The following AKT3 variants were observed in gnomAD, a reference collection of about 807,000 sequenced individuals.
The protein encoded by AKT3 is RAC-gamma serine/threonine-protein kinase.
Under a neutral mutation model 65.3 loss-of-function variants are expected in AKT3, and 15 were observed. The observed-to-expected ratio is 0.23, with a 90% CI of 0.15 to 0.35. The LOEUF (loss-of-function observed/expected upper bound fraction) is 0.35, where lower values mean the gene tolerates loss of function less well. Among genes scored for constraint, AKT3 ranks in the 10% least tolerant of loss-of-function variants. The pLI is 1.00. For synonymous variants in AKT3, 206 were observed against 183.8 expected (o/e 1.12, Z -0.98); for missense variants, 243 against 576.5 (o/e 0.42, Z 5.92).
At chr1:243,655,474 C>T (rs1054659133) in intron 4 of AKT3, among the ~76,000 whole-genome samples, 1 of 151,678 alleles carries the variant, frequency 6.6e-6, no homozygotes, top group African/African-American at 2.4e-5. Flanking sequence ...ATTATTTTGG[C>T]CACATAGTGT....
intron 3 of AKT3, among the ~76,000 whole-genome samples, chr1:243,684,205 C>T (rs1371467070): frequency 5.9e-5 from 9 of 151,762 alleles, no homozygotes; most frequent in African/African-American, 9.7e-5. Context: ...ATGTGCAGAA[C>T]GTGCAGGTTT....
rs533224632 is a variant in AKT3 at position 243,616,780 on chromosome 1, T to C, written c.562-1619A>G. ...CAAAGAAGCTAAGATCCCACAACCATTCAAAGAAGGTAAGATCAATTGTGT... is the reference window on the plus strand; with the variant it reads ...CAAAGAAGCTAAGATCCCACAACCACTCAAAGAAGGTAAGATCAATTGTGT... On this transcript the variant is annotated intron_variant, in intron 6 of 13. Transcript: ENST00000673466. Among the ~76,000 whole-genome samples the C allele has an allele frequency of 7.9e-5, 12 of 152,238 alleles. No homozygotes were observed. The South Asian group carries it at 2.5e-3, about 32-fold the overall frequency.
chr1:243,803,939 G>C (rs2148374810), intron 2 of AKT3, among the ~76,000 whole-genome samples: 2 of 152,300 alleles, frequency 1.3e-5, no homozygotes, highest in East Asian at 3.9e-4. Context: ...CTTTCAGACA[G>C]TGAGCCGTGA....
intron 3 of AKT3, among the ~76,000 whole-genome samples, chr1:243,693,962 T>A (rs1191862786): frequency 6.6e-6 from 1 of 152,190 alleles, no homozygotes; most frequent in Non-Finnish European, 1.5e-5. Context: ...ATAAGCTGAC[T>A]GTCAGTCACT....
intron 8 of AKT3, among the ~76,000 whole-genome samples, chr1:243,593,167 C>T (rs546893604): frequency 9.9e-5 from 15 of 152,284 alleles, no homozygotes; most frequent in African/African-American, 1.2e-4. Flanking sequence ...GTTGTTAACA[C>T]GTTGCATGAG....
At chr1:243,515,432 AT>A (rs1670290041) in intron 12 of AKT3, among the ~76,000 whole-genome samples, 2 of 149,906 alleles carry the variant, frequency 1.3e-5, no homozygotes, top group Non-Finnish European at 3.0e-5. Flanking sequence ...AGAGCGTTTC[AT>A]TTTTTGTTTA....
chr1:243,647,568 T>C (rs1171233056), intron 4 of AKT3, among the ~76,000 whole-genome samples: 2 of 152,236 alleles, frequency 1.3e-5, no homozygotes, highest in Non-Finnish European at 2.9e-5. Flanking sequence ...ATTGTACTTA[T>C]TAGTATTTAA....
At chr1:243,675,636 C>G (rs1683459367) in intron 3 of AKT3, among the ~76,000 whole-genome samples, 1 of 152,234 alleles carries the variant, frequency 6.6e-6, no homozygotes, top group Non-Finnish European at 1.5e-5. Flanking sequence ...ATGCCTTAAC[C>G]AATTAGCTAA....
chr1:243,615,614 ATAAAT>A (rs1190979270), intron 6 of AKT3, among the ~76,000 whole-genome samples: 2 of 152,238 alleles, frequency 1.3e-5, no homozygotes, highest in African/African-American at 4.8e-5. Flanking sequence ...CCTACTTTAA[ATAAAT>A]TAGTTATTAG....
intron 8 of AKT3, among the ~76,000 whole-genome samples, chr1:243,579,428 A>T (rs1021953362): frequency 1.3e-5 from 2 of 152,276 alleles, no homozygotes; most frequent in African/African-American, 4.8e-5. Context: ...ATACTAAGAG[A>T]TATAAAAAAA....
intron 2 of AKT3, among the ~76,000 whole-genome samples, chr1:243,825,017 G>C (rs1389815910): frequency 6.6e-6 from 1 of 152,190 alleles, no homozygotes; most frequent in African/African-American, 2.4e-5. Context: ...GCCCATCAAT[G>C]ATAGACTGAA....
At chr1:243,571,441 T>C (rs996721656) in intron 9 of AKT3, among the ~76,000 whole-genome samples, 3 of 152,206 alleles carry the variant, frequency 2.0e-5, no homozygotes, top group African/African-American at 7.2e-5. Context: ...TAGCAGTCTT[T>C]AGGCTAATAA....
chr1:243,754,194 C>T (rs1688981579), intron 2 of AKT3, among the ~76,000 whole-genome samples: 1 of 152,188 alleles, frequency 6.6e-6, no homozygotes, highest in Non-Finnish European at 1.5e-5. Context: ...CTACTATACA[C>T]TCAAGGGAAA....
At chr1:243,510,071 T>C (rs535520067) in intron 13 of AKT3, among the ~76,000 whole-genome samples, 1 of 152,308 alleles carries the variant, frequency 6.6e-6, no homozygotes, top group East Asian at 1.9e-4. Context: ...AAATAACATA[T>C]TTACTTGCTC....
chr1:243,846,688 T>C (rs935317914), intron 1 of AKT3, among the ~76,000 whole-genome samples: 1 of 152,206 alleles, frequency 6.6e-6, no homozygotes, highest in Non-Finnish European at 1.5e-5. Flanking sequence ...AATGGGCCAG[T>C]CAATACACTT....
At chr1:243,828,312 A>C (rs1694299317) in intron 2 of AKT3, among the ~76,000 whole-genome samples, 1 of 152,086 alleles carries the variant, frequency 6.6e-6, no homozygotes, top group African/African-American at 2.4e-5. Context: ...TATCATCTCC[A>C]TTTTACAGAC....
At chr1:243,557,726 G>A (rs955095503) in intron 10 of AKT3, among the ~76,000 whole-genome samples, 5 of 151,988 alleles carry the variant, frequency 3.3e-5, no homozygotes, top group African/African-American at 1.2e-4. Flanking sequence ...GCTTCTATCT[G>A]AACTCATCCC....
intron 8 of AKT3, among the ~76,000 whole-genome samples, chr1:243,578,975 G>C (rs1350270195): frequency 6.6e-6 from 1 of 152,178 alleles, no homozygotes; most frequent in Non-Finnish European, 1.5e-5. Flanking sequence ...AGCATGTTTG[G>C]AAATATCAGA....
At chr1:243,693,731 C>T (rs146585394) in intron 3 of AKT3, among the ~76,000 whole-genome samples, 203 of 152,238 alleles carry the variant, frequency 1.3e-3, no homozygotes, top group Middle Eastern at 0.01. Flanking sequence ...TAGACTCATT[C>T]TTTCCTCACA....
Sources: gnomAD v4.1 joint callset for allele counts (sites outside exome capture counted in the v4.1 genomes callset) on GRCh38, gnomAD v4.1.1 for gene constraint, MANE v1.5 for transcripts, NCBI Gene and HGNC (gene_info 2026-07-23, HGNC 2026-07-21) for gene names.